PTBP3: variants seen among roughly 807,000 people sequenced by gnomAD.
PTBP3 encodes the protein polypyrimidine tract binding protein 3.
PTBP3 carries 20 observed loss-of-function variants against 58.7 expected under a neutral mutation model. The observed-to-expected ratio is 0.34, with a 90% CI of 0.24 to 0.50. PTBP3 has a LOEUF of 0.50. Ranked by LOEUF, PTBP3 falls within the 20% of genes least tolerant of loss-of-function variation. The pLI, the probability that PTBP3 is intolerant of heterozygous loss-of-function variation, is 0.98. For missense variants in PTBP3, 509 were observed against 637.2 expected, an observed-to-expected ratio of 0.80 and a Z score of 2.17; for synonymous variants, 185 against 219.8, an observed-to-expected ratio of 0.84 and a Z score of 1.40.
the PTBP3 span, chr9:112,379,841 GCT>G: frequency 9.8e-6 from 5 of 509,012 alleles, no homozygotes; most frequent in Admixed American, 3.9e-5. Context: ...CTGCCCAGAC[GCT>G]AGGCGCCGAC....
At chr9:112,271,837 T>C (rs1269528921) in intron 3 of PTBP3, among the ~76,000 whole-genome samples, 1 of 152,236 alleles carries the variant, frequency 6.6e-6, no homozygotes, top group African/African-American at 2.4e-5. Flanking sequence ...ATTCAAATTA[T>C]GGAAATCTGA....
chr9:112,279,618 C>T (rs960307831), intron 2 of PTBP3, among the ~76,000 whole-genome samples: 1 of 151,944 alleles, frequency 6.6e-6, no homozygotes, highest in African/African-American at 2.4e-5. Context: ...CCCTAGTATC[C>T]CTTTGCAGTT....
At chr9:112,299,666 A>G (rs1828829923) in intron 1 of PTBP3, among the ~76,000 whole-genome samples, 1 of 152,164 alleles carries the variant, frequency 6.6e-6, no homozygotes, top group Non-Finnish European at 1.5e-5. Flanking sequence ...ATTCATCCCC[A>G]TCCATGGCCA....
chr9:112,302,308 G>A (rs1385508433), intron 1 of PTBP3, among the ~76,000 whole-genome samples: 2 of 152,124 alleles, frequency 1.3e-5, no homozygotes, highest in East Asian at 1.9e-4. Context: ...AAAAATTGAC[G>A]AGAAAAAAGA....
rs905324669 is a variant in PTBP3 at position 112,220,922 on chromosome 9, C to G, written c.*2929G>C. On this transcript the variant is annotated 3_prime_UTR_variant, in exon 14 of 14. Coordinates refer to ENST00000374257, the MANE Select transcript of PTBP3 (RefSeq NM_001163788.4). The stretch of plus-strand genomic sequence containing the variant: ...CTACGGTAGATCAACAGAGAAAAAC[C>G]ATTGCTAGAAGATACTGAATAAATG... The G allele has an allele frequency of 2.1e-6, 2 of 965,930 alleles. No individual in the cohort carries two copies. The highest frequency in any genetic ancestry group is 2.5e-6 in the Non-Finnish European group (2 of 812,372). The allele number at this position is 965,930 out of a possible 1,614,324, so 59.8% of individuals were successfully genotyped here.
At chr9:112,269,733 A>C (rs1270388549) in intron 3 of PTBP3, among the ~76,000 whole-genome samples, 1 of 152,168 alleles carries the variant, frequency 6.6e-6, no homozygotes, top group Non-Finnish European at 1.5e-5. Flanking sequence ...TTTTCAGAAT[A>C]AAACTATTAA....
At chr9:112,374,070 C>T in the PTBP3 span, among the ~76,000 whole-genome samples, 2 of 152,014 alleles carry the variant, frequency 1.3e-5, no homozygotes, top group South Asian at 2.1e-4. Flanking sequence ...GCTGTAGTTT[C>T]CCATCGACCT....
intron 6 of PTBP3, 106 bp from the exon 7 acceptor site, chr9:112,251,209 C>T (rs1836102130): frequency 2.1e-6 from 2 of 932,756 alleles, no homozygotes; most frequent in Non-Finnish European, 3.0e-6. Context: ...GCAGAAAGCA[C>T]TGACTAAAAA....
At chr9:112,360,263 A>G in the PTBP3 span, among the ~76,000 whole-genome samples, 3 of 152,126 alleles carry the variant, frequency 2.0e-5, no homozygotes, top group Non-Finnish European at 2.9e-5. Context: ...AGCTCACTGG[A>G]GCCTAAAACT....
intron 2 of PTBP3, 74 bp downstream of exon 2, chr9:112,297,758 C>A (rs1564444107): frequency 8.0e-6 from 10 of 1,248,376 alleles, no homozygotes; most frequent in Non-Finnish European, 8.8e-6. Flanking sequence ...ATGATATAAG[C>A]AAAATAAGAG....
rs1834882731 is a variant in PTBP3, at chr9:112,223,787, A to T, written c.*64T>A. Reference sequence around the variant, plus strand: ...GGCAAAATTGGTCTTGAGCTGCTTCAGTCTATGTCTGAAGGTTTTACTGAA... The same window carrying T: ...GGCAAAATTGGTCTTGAGCTGCTTCTGTCTATGTCTGAAGGTTTTACTGAA... On this transcript the variant is annotated 3_prime_UTR_variant, in exon 14 of 14. Coordinates refer to ENST00000374257, the MANE Select transcript of PTBP3 (RefSeq NM_001163788.4). The T allele has an allele frequency of 1.2e-6, 2 of 1,605,822 alleles. No homozygotes were observed. The highest frequency in any genetic ancestry group is 1.7e-6 in the Non-Finnish European group (2 of 1,176,254).
chr9:112,342,492 G>A, the PTBP3 span, among the ~76,000 whole-genome samples: 2 of 152,158 alleles, frequency 1.3e-5, no homozygotes, highest in Non-Finnish European at 2.9e-5. Context: ...CGAAGTGGGC[G>A]GATCACTTGA....
intron 6 of PTBP3, chr9:112,252,256 T>A (rs956167695): frequency 6.3e-6 from 1 of 159,452 alleles, no homozygotes; most frequent in Non-Finnish European, 1.4e-5. Context: ...CAGAAGTAAA[T>A]GGTCTACAGC....
chr9:112,236,459 G>T (rs1373165861), intron 7 of PTBP3, among the ~76,000 whole-genome samples: 1 of 152,050 alleles, frequency 6.6e-6, no homozygotes, highest in African/African-American at 2.4e-5. Context: ...TTTTACAACA[G>T]AAAACACTGT....
intron 1 of PTBP3, among the ~76,000 whole-genome samples, chr9:112,300,511 G>C (rs1828871495): frequency 6.6e-6 from 1 of 152,130 alleles, no homozygotes; most frequent in Non-Finnish European, 1.5e-5. Flanking sequence ...CCAGCACTTT[G>C]GGAGGGCTTG....
intron 3 of PTBP3, among the ~76,000 whole-genome samples, chr9:112,272,186 C>T (rs1441920026): frequency 1.3e-5 from 2 of 152,034 alleles, no homozygotes; most frequent in African/African-American, 4.8e-5. Context: ...TCTCAGCCTC[C>T]CAAGTGGCTG....
intron 1 of PTBP3, among the ~76,000 whole-genome samples, chr9:112,320,294 ATAT>A (rs1564461505): frequency 5.5e-4 from 25 of 45,346 alleles, no homozygotes; most frequent in African/African-American, 3.4e-3. Flanking sequence ...AAAAAAAAAT[ATAT>A]ATATATATAT....
chr9:112,373,650 A>G, the PTBP3 span, among the ~76,000 whole-genome samples: 1 of 152,242 alleles, frequency 6.6e-6, no homozygotes, highest in Non-Finnish European at 1.5e-5. Context: ...AATAAAGACA[A>G]TAAGATCAGA....
chr9:112,334,353 T>C (rs1204517545), upstream of PTBP3, among the ~76,000 whole-genome samples: 1 of 152,196 alleles, frequency 6.6e-6, no homozygotes, highest in African/African-American at 2.4e-5. Flanking sequence ...TTTTTAAAAG[T>C]TTACTCATTA....
Sources: allele counts gnomAD v4.1 joint callset (sites outside exome capture counted in the v4.1 genomes callset), GRCh38; gene constraint gnomAD v4.1.1; transcripts MANE v1.5; gene names NCBI Gene and HGNC (gene_info 2026-07-23, HGNC 2026-07-21).